The following STK33 variants were observed in gnomAD, a reference collection of about 807,000 sequenced individuals.
STK33 encodes the protein serine/threonine kinase 33, also known as serine/threonine-protein kinase 33.
Under a neutral mutation model 58.0 loss-of-function variants are expected in STK33, and 52 were observed. The ratio of observed to expected loss-of-function variants is 0.90; its 90% CI spans 0.72 to 1.13. The LOEUF (loss-of-function observed/expected upper bound fraction) is 1.13. Ranked by LOEUF, STK33 falls within the 50% of genes most tolerant of loss-of-function variation. The pLI is 0.00. For missense variants in STK33, 630 were observed against 604.2 expected (o/e 1.04, Z -0.45); for synonymous variants, 215 against 200.1 (o/e 1.07, Z -0.63).
the STK33 span, among the ~76,000 whole-genome samples, chr11:8,354,690 A>G: frequency 6.6e-6 from 1 of 152,258 alleles, no homozygotes; most frequent in Non-Finnish European, 1.5e-5. Flanking sequence ...CCTTCTGTTC[A>G]GATGGTTTCA....
chr11:8,409,338 G>A (rs189736183), intron 15 of STK33, among the ~76,000 whole-genome samples: 1 of 152,328 alleles, frequency 6.6e-6, no homozygotes. Context: ...TCTCACGGCA[G>A]GTGACAGAAA....
At chr11:8,542,376 T>C (rs1955588626) in intron 1 of STK33, among the ~76,000 whole-genome samples, 1 of 152,120 alleles carries the variant, frequency 6.6e-6, no homozygotes, top group South Asian at 2.1e-4. Context: ...ACAAAATACA[T>C]TTCAAAAAAA....
the STK33 span, among the ~76,000 whole-genome samples, chr11:8,378,478 A>G: frequency 1.3e-5 from 2 of 152,232 alleles, no homozygotes; most frequent in Non-Finnish European, 2.9e-5. Context: ...AGATCGCACC[A>G]TTGCACTCCA....
the STK33 span, among the ~76,000 whole-genome samples, chr11:8,359,246 AGACT>A: frequency 1.3e-5 from 2 of 152,232 alleles, no homozygotes; most frequent in African/African-American, 2.4e-5. Context: ...GTGGGGCAGA[AGACT>A]GACTGCTAGT....
At chr11:8,464,953 A>T in intron 6 of STK33, 131 bp from the exon 7 acceptor site, 1 of 540,464 alleles carries the variant, frequency 1.9e-6, no homozygotes, top group Non-Finnish European at 3.2e-6. Flanking sequence ...AATAGAAGAC[A>T]CTATATATTT....
chr11:8,498,477 T>C (rs1004817084), intron 1 of STK33, among the ~76,000 whole-genome samples: 1 of 152,110 alleles, frequency 6.6e-6, no homozygotes, highest in African/African-American at 2.4e-5. Context: ...TGCTCATGGA[T>C]AGGAAGAATC....
chr11:8,572,008 ATTAAAATTAAATTTTAATTT>A (rs1591843841), intron 1 of STK33, among the ~76,000 whole-genome samples: 35 of 149,220 alleles, frequency 2.3e-4, no homozygotes, highest in East Asian at 5.8e-4. Context: ...AAAAATTTAA[ATTAAAATTAAATTTTAATTT>A]TAAAAAATAA....
intron 1 of STK33, among the ~76,000 whole-genome samples, chr11:8,495,954 G>A (rs556009340): frequency 6.6e-6 from 1 of 151,858 alleles, no homozygotes; most frequent in African/African-American, 2.4e-5. Flanking sequence ...GTCATGGGGT[G>A]GGGGGCTGGG....
At chr11:8,521,163 A>G (rs866739840) in intron 1 of STK33, among the ~76,000 whole-genome samples, 2 of 152,146 alleles carry the variant, frequency 1.3e-5, no homozygotes, top group Admixed American at 6.5e-5. Context: ...AAGAGCCCCC[A>G]TTGCCAAGAC....
downstream of STK33, among the ~76,000 whole-genome samples, chr11:8,387,787 A>G (rs1848564490): frequency 6.6e-6 from 1 of 152,038 alleles, no homozygotes; most frequent in Non-Finnish European, 1.5e-5. Context: ...GTTGCTCTCC[A>G]TCTTCCACCC....
intron 1 of STK33, among the ~76,000 whole-genome samples, chr11:8,513,050 A>T (rs1465235351): frequency 6.6e-6 from 1 of 152,192 alleles, no homozygotes; most frequent in Non-Finnish European, 1.5e-5. Context: ...ATGACAATTG[A>T]TTCTTTGGTT....
chr11:8,381,300 A>T, the STK33 span, among the ~76,000 whole-genome samples: 1 of 152,298 alleles, frequency 6.6e-6, no homozygotes, highest in Admixed American at 6.5e-5. Context: ...TTTAAATCTA[A>T]CTTGCAAAGG....
chr11:8,412,223 A>C (rs1043412288), intron 15 of STK33, among the ~76,000 whole-genome samples: 1 of 152,190 alleles, frequency 6.6e-6, no homozygotes, highest in South Asian at 2.1e-4. Context: ...AGCCAACAAA[A>C]ATCTTCAAAC....
the STK33 span, among the ~76,000 whole-genome samples, chr11:8,362,864 C>G: frequency 1.3e-5 from 2 of 152,086 alleles, no homozygotes; most frequent in Non-Finnish European, 2.9e-5. Context: ...CTCTCCCTCC[C>G]TCTCTTCCTC....
intron 11 of STK33, among the ~76,000 whole-genome samples, chr11:8,442,726 T>C (rs1037887161): frequency 6.6e-6 from 1 of 152,076 alleles, no homozygotes; most frequent in African/African-American, 2.4e-5. Context: ...TAAAACAATT[T>C]CAAAACTTTA....
intron 7 of STK33, among the ~76,000 whole-genome samples, chr11:8,464,000 T>C (rs1000903365): frequency 6.6e-6 from 1 of 152,234 alleles, no homozygotes; most frequent in African/African-American, 2.4e-5. Context: ...TTGTTTTAAA[T>C]AATACATAAA....
chr11:8,354,438 G>C, the STK33 span, among the ~76,000 whole-genome samples: 2 of 146,618 alleles, frequency 1.4e-5, no homozygotes, highest in African/African-American at 5.1e-5. Flanking sequence ...TAATTCCCTA[G>C]CAGATCAACA....
intron 15 of STK33, among the ~76,000 whole-genome samples, chr11:8,405,910 A>G (rs945632712): frequency 1.3e-5 from 2 of 152,176 alleles, no homozygotes; most frequent in African/African-American, 4.8e-5. Context: ...TGGGAGGCCG[A>G]GGTGGGCGGA....
intron 1 of STK33, among the ~76,000 whole-genome samples, chr11:8,552,842 G>A (rs985375088): frequency 6.6e-6 from 1 of 152,030 alleles, no homozygotes; most frequent in South Asian, 2.1e-4. Context: ...GAAAAGAGGA[G>A]ACTCTAAAAT....
Sources: allele counts gnomAD v4.1 joint callset (sites outside exome capture counted in the v4.1 genomes callset), GRCh38; gene constraint gnomAD v4.1.1; transcripts MANE v1.5; gene names NCBI Gene and HGNC (gene_info 2026-07-23, HGNC 2026-07-21).